DSE: variants seen among roughly 807,000 people sequenced by gnomAD.
The protein encoded by DSE is dermatan sulfate epimerase.
Under a neutral mutation model 84.4 loss-of-function variants are expected in DSE, and 36 were observed. The observed-to-expected ratio is 0.43, with a 90% confidence interval of 0.33 to 0.56. DSE has a LOEUF of 0.56. Among genes scored for constraint, DSE ranks in the 20% least tolerant of loss-of-function variants. DSE has a pLI of 0.06. For synonymous variants in DSE, 410 were observed against 430.1 expected (o/e 0.95, Z 0.58); for missense variants, 862 against 1,169.6 (o/e 0.74, Z 3.84).
intron 2 of DSE, among the ~76,000 whole-genome samples, chr6:116,270,611 T>TA (rs1772838081): frequency 6.6e-6 from 1 of 151,912 alleles, no homozygotes; most frequent in African/African-American, 2.4e-5. Flanking sequence ...GCAGTAGATA[T>TA]AAAAAATTAC....
chr6:116,277,475 T>C (rs1319607525), intron 2 of DSE: 6 of 152,462 alleles, frequency 3.9e-5, no homozygotes, highest in Non-Finnish European at 7.3e-5. Flanking sequence ...GTGTCTCTCT[T>C]TAACTATTCT....
intron 1 of DSE, among the ~76,000 whole-genome samples, chr6:116,391,516 C>CA (rs1186654717): frequency 6.6e-6 from 1 of 152,164 alleles, no homozygotes; most frequent in African/African-American, 2.4e-5. Context: ...CCTGTAATCC[C>CA]AGCACTTAGG....
chr6:116,433,377 T>C lies in DSE; in HGVS notation c.945T>C (p.Asn315=). The C allele has an allele frequency of 6.4e-7, 1 of 1,551,578 alleles. No individual in the cohort carries two copies. The highest frequency in any genetic ancestry group is 1.2e-5 in the South Asian group (1 of 84,050). The change falls in exon 5 of 6, where the codon AAT becomes AAC. Residue 315 remains asparagine (N), a synonymous_variant. Coordinates refer to ENST00000644252, the MANE Select transcript of DSE (RefSeq NM_013352.4). The part of the protein sequence containing the change: ...FQRTVAIADS[N]YNWFYGPESQ... ...GGACTGTGGCTATTGCGGACTCAAA[T>C]TACAACTGGTTTTATGGTCCAGAAA...
At chr6:116,285,188 G>C (rs192109931) in intron 2 of DSE, among the ~76,000 whole-genome samples, 14 of 152,198 alleles carry the variant, frequency 9.2e-5, no homozygotes, top group Middle Eastern at 3.4e-3. Context: ...CCTGTTGTTT[G>C]CTGACTTTTT....
intron 2 of DSE, among the ~76,000 whole-genome samples, chr6:116,336,154 A>T (rs1352440137): frequency 6.6e-6 from 1 of 152,252 alleles, no homozygotes; most frequent in Non-Finnish European, 1.5e-5. Flanking sequence ...CATTTAATGT[A>T]AATCTGTTTT....
In DSE at chr6:116,298,542, C is replaced by T. The variant is rs545913299; in HGVS notation, c.-54+39575C>T. Among the ~76,000 whole-genome samples, 112 of 152,268 alleles carry T rather than the reference C, an allele frequency of 7.4e-4. 1 individual carries two copies. The highest frequency in any genetic ancestry group is 2.6e-3 in the African/African-American group (110 of 41,562). On this transcript the variant is annotated intron_variant, in intron 2 of 3. Coordinates refer to the DSE transcript ENST00000430252. ...CTAGAAAGGTCAAGGAAATGGATTA[C>T]CCTCTAGAGGTTCCAGAAAGAAATG...
chr6:116,326,217 T>C (rs1776612342), intron 2 of DSE, among the ~76,000 whole-genome samples: 2 of 152,084 alleles, frequency 1.3e-5, no homozygotes, highest in African/African-American at 4.8e-5. Flanking sequence ...CCCTTAATTA[T>C]AGTAACCAGA....
chr6:116,337,662 C>T (rs531383770), intron 2 of DSE, among the ~76,000 whole-genome samples: 17 of 152,014 alleles, frequency 1.1e-4, no homozygotes, highest in South Asian at 2.1e-4. Context: ...ACTCTAATTG[C>T]GGCATTAATC....
intron 2 of DSE, among the ~76,000 whole-genome samples, chr6:116,359,695 T>C (rs1294242342): frequency 1.2e-4 from 19 of 152,172 alleles, no homozygotes. Context: ...GTACAGTGTA[T>C]AGGACAGGTA....
In DSE at chr6:116,332,374, T is replaced by TTGTGTGTGTG. The variant is rs67724248; in HGVS notation, c.-53-66814_-53-66805dup. Among the ~76,000 whole-genome samples the TTGTGTGTGTG allele has an allele frequency of 2.6e-4, 39 of 150,366 alleles. 1 individual carries two copies. In the East Asian group the frequency reaches 6.8e-3, roughly 26 times the overall value. On this transcript the variant is annotated intron_variant, in intron 2 of 3. Transcript: ENST00000430252. ...AATTCAAATCAAAATCCCAGTTGGTTTGTGTGTGTGTGTGTGTGTAAGAGA... is the reference window on the plus strand; with the variant it reads ...AATTCAAATCAAAATCCCAGTTGGTTTGTGTGTGTGTGTGTGTGTGTGTGTGTGTAAGAGA...
intron 2 of DSE, among the ~76,000 whole-genome samples, chr6:116,353,794 A>G (rs1281004493): frequency 6.6e-6 from 1 of 152,226 alleles, no homozygotes; most frequent in African/African-American, 2.4e-5. Flanking sequence ...AACTGTTCTC[A>G]TTTGATGAGA....
intron 2 of DSE, among the ~76,000 whole-genome samples, chr6:116,281,461 C>G (rs542113610): frequency 2.0e-5 from 3 of 152,322 alleles, no homozygotes; most frequent in Admixed American, 2.0e-4. Context: ...ATGGGTGCCT[C>G]AAGTTGTTTC....
At chr6:116,354,618 A>AGG (rs2114860835) in intron 2 of DSE, among the ~76,000 whole-genome samples, 1 of 152,270 alleles carries the variant, frequency 6.6e-6, no homozygotes, top group Non-Finnish European at 1.5e-5. Flanking sequence ...GAGGTGATTT[A>AGG]TCTTCAGAAT....
rs184128001 is a variant in DSE at position 116,271,852 on chromosome 6, C to G, written c.-54+12885C>G. Among the ~76,000 whole-genome samples the G allele has an allele frequency of 6.1e-4, 93 of 152,176 alleles. 1 individual carries two copies. Among genetic ancestry groups the G allele is most frequent in the Admixed American group, 2.2e-3 (33 of 15,286 alleles). On this transcript the variant is annotated intron_variant, in intron 2 of 3. Transcript: ENST00000430252. ...TTTATTGAGGTATAATTTACTTACA[C>G]TAAAATGCATAAATCTTAAATATAT... is the stretch of plus-strand genomic sequence containing the variant.
intron 2 of DSE, among the ~76,000 whole-genome samples, chr6:116,296,293 AT>A (rs1177712872): frequency 2.0e-5 from 3 of 152,152 alleles, no homozygotes; most frequent in Non-Finnish European, 4.4e-5. Flanking sequence ...TTTAATTTGT[AT>A]TATTGTTTAC....
At chr6:116,402,831 A>G (rs1454784373) in intron 2 of DSE, among the ~76,000 whole-genome samples, 1 of 152,182 alleles carries the variant, frequency 6.6e-6, no homozygotes, top group African/African-American at 2.4e-5. Context: ...GTGGAAAGTA[A>G]CAATGATGTG....
intron 2 of DSE, chr6:116,278,794 C>T (rs1350941744): frequency 6.2e-7 from 1 of 1,614,148 alleles, no homozygotes; most frequent in East Asian, 2.2e-5. Context: ...CACCACTCGG[C>T]CGGAGGATCT....
At position 116,373,035 on chromosome 6, in the gene DSE, C is replaced by T. The variant is rs180836652; in HGVS notation, c.-54+1914C>T. Reference sequence around the variant, plus strand: ...GACAGTTTAAAAAATACTGAAAGTACAGTCACCAAGTGAAGGGGAATTAAA... The same window carrying T: ...GACAGTTTAAAAAATACTGAAAGTATAGTCACCAAGTGAAGGGGAATTAAA... On this transcript the variant is annotated intron_variant, in intron 1 of 5. Transcript: ENST00000644252. 2.7e-5 allele frequency among the ~76,000 whole-genome samples: 4 copies of T among 147,276 alleles called. No individual in the cohort carries two copies. The East Asian group carries it at 8.2e-4, about 30-fold the overall frequency.
intron 2 of DSE, among the ~76,000 whole-genome samples, chr6:116,303,221 C>T (rs1163689682): frequency 1.3e-5 from 2 of 152,034 alleles, no homozygotes; most frequent in African/African-American, 4.8e-5. Context: ...CTCTTTATCT[C>T]GCTACCTCCT....
Sources: allele counts gnomAD v4.1 joint callset (sites outside exome capture counted in the v4.1 genomes callset), GRCh38; gene constraint gnomAD v4.1.1; transcripts MANE v1.5; gene names NCBI Gene and HGNC (gene_info 2026-07-23, HGNC 2026-07-21).